LSAMP: variants seen among roughly 807,000 people sequenced by gnomAD.
LSAMP encodes limbic system associated membrane protein.
In LSAMP, 7 loss-of-function variants were observed where a neutral mutation model predicts 38.6. The observed-to-expected ratio is 0.18, with a 90% CI of 0.10 to 0.34. The LOEUF (loss-of-function observed/expected upper bound fraction) is 0.34, where lower values mean the gene tolerates loss of function less well. Among genes scored for constraint, LSAMP ranks in the 10% least tolerant of loss-of-function variants. LSAMP has a pLI of 1.00. For synonymous variants in LSAMP, 154 were observed against 166.8 expected, an observed-to-expected ratio of 0.92 and a Z score of 0.59; for missense variants, 313 against 420.0, an observed-to-expected ratio of 0.75 and a Z score of 2.23.
chr3:116,130,877 G>T (rs1374126754), intron 1 of LSAMP, among the ~76,000 whole-genome samples: 1 of 150,314 alleles, frequency 6.7e-6, no homozygotes, highest in Non-Finnish European at 1.5e-5. Context: ...CTCCCTTTTC[G>T]AATTCTTCCA....
chr3:116,158,663 A>G (rs1381779187), intron 1 of LSAMP, among the ~76,000 whole-genome samples: 1 of 152,164 alleles, frequency 6.6e-6, no homozygotes, highest in Non-Finnish European at 1.5e-5. Context: ...GACCTCTACA[A>G]CAACAATTAC....
At chr3:115,880,928 C>T (rs1936304975) in intron 3 of LSAMP, among the ~76,000 whole-genome samples, 2 of 151,902 alleles carry the variant, frequency 1.3e-5, no homozygotes, top group South Asian at 4.2e-4. Flanking sequence ...ATCCCAGCTA[C>T]TTGGGAGGCT....
intron 1 of LSAMP, among the ~76,000 whole-genome samples, chr3:116,439,192 C>T (rs1402830321): frequency 1.3e-5 from 2 of 152,152 alleles, no homozygotes; most frequent in Non-Finnish European, 2.9e-5. Flanking sequence ...TGGTACTGTG[C>T]TCCCGTGGCT....
chr3:116,108,013 G>A (rs1200997577), intron 1 of LSAMP, among the ~76,000 whole-genome samples: 7 of 152,246 alleles, frequency 4.6e-5, no homozygotes, highest in South Asian at 2.1e-4. Flanking sequence ...TGTAGCAGGC[G>A]AGTGATAACA....
At chr3:116,166,997 T>A (rs560527835) in intron 1 of LSAMP, among the ~76,000 whole-genome samples, 1 of 152,188 alleles carries the variant, frequency 6.6e-6, no homozygotes, top group South Asian at 2.1e-4. Context: ...TTCACCGTGT[T>A]AGCCAGGATG....
intron 1 of LSAMP, among the ~76,000 whole-genome samples, chr3:116,105,558 G>A (rs1161808857): frequency 6.6e-6 from 1 of 152,104 alleles, no homozygotes; most frequent in East Asian, 1.9e-4. Flanking sequence ...CAGGGGCGGG[G>A]GTCACAAGGT....
At chr3:116,013,869 A>G (rs1940401056) in intron 3 of LSAMP, among the ~76,000 whole-genome samples, 1 of 152,134 alleles carries the variant, frequency 6.6e-6, no homozygotes, top group Non-Finnish European at 1.5e-5. Context: ...GCCATTATAT[A>G]CATTGTTTTC....
intron 6 of LSAMP, among the ~76,000 whole-genome samples, chr3:115,839,953 G>A (rs1171609059): frequency 2.0e-5 from 3 of 152,112 alleles, no homozygotes; most frequent in African/African-American, 7.2e-5. Context: ...TCTGTTATAG[G>A]GCATTGGTAT....
chr3:116,031,565 T>G (rs1576320219), intron 2 of LSAMP, among the ~76,000 whole-genome samples: 3 of 54,872 alleles, frequency 5.5e-5, no homozygotes, highest in Non-Finnish European at 8.0e-5. Context: ...TTTTTTTTTT[T>G]TTTTTTTTTT....
intron 2 of LSAMP, among the ~76,000 whole-genome samples, chr3:116,081,103 A>G (rs1707861004): frequency 6.6e-6 from 1 of 152,190 alleles, no homozygotes; most frequent in South Asian, 2.1e-4. Flanking sequence ...AATGGTTAAC[A>G]GAATTGCAAA....
rs182065075 is a variant in LSAMP, at chr3:116,031,723, G to A, written c.389-12083C>T. Among the ~76,000 whole-genome samples the A allele has an allele frequency of 2.0e-5, 3 of 151,564 alleles. No homozygotes were observed. The East Asian group carries it at 5.8e-4, about 29-fold the overall frequency. ...AGTTGTTTTTTGCCACTGCTTAAGG[G>A]CCCAGAAGATAGAATATTTAGACCA... On this transcript the variant is annotated intron_variant, in intron 2 of 6. Coordinates refer to ENST00000490035, the MANE Select transcript of LSAMP (RefSeq NM_002338.5).
intron 2 of LSAMP, among the ~76,000 whole-genome samples, chr3:116,074,798 T>C (rs1291402391): frequency 2.6e-5 from 4 of 152,146 alleles, no homozygotes; most frequent in Admixed American, 6.5e-5. Context: ...CTTTTGTAAA[T>C]TGGCAATTTA....
At chr3:116,385,938 C>CTACTACTAT (rs1378091788) in intron 1 of LSAMP, among the ~76,000 whole-genome samples, 1 of 152,030 alleles carries the variant, frequency 6.6e-6, no homozygotes, top group Admixed American at 6.6e-5. Flanking sequence ...ACTACTACTA[C>CTACTACTAT]TACTACTATT....
chr3:116,358,166 G>T (rs376083281), intron 1 of LSAMP, among the ~76,000 whole-genome samples: 3 of 152,156 alleles, frequency 2.0e-5, no homozygotes, highest in African/African-American at 7.2e-5. Context: ...ATGTCACCAG[G>T]TAGAACATAG....
chr3:116,398,813 C>A (rs777891118), intron 1 of LSAMP, among the ~76,000 whole-genome samples: 1 of 152,140 alleles, frequency 6.6e-6, no homozygotes, highest in Non-Finnish European at 1.5e-5. Flanking sequence ...CTGTTCTCAA[C>A]GAGTTGGCAG....
chr3:115,972,714 A>G (rs2107613768), intron 3 of LSAMP, among the ~76,000 whole-genome samples: 1 of 151,478 alleles, frequency 6.6e-6, no homozygotes, highest in African/African-American at 2.4e-5. Context: ...GAAAGCTACA[A>G]GTTATGATAC....
chr3:116,249,643 C>T (rs1258115357), intron 1 of LSAMP, among the ~76,000 whole-genome samples: 1 of 151,948 alleles, frequency 6.6e-6, no homozygotes, highest in Non-Finnish European at 1.5e-5. Flanking sequence ...CTCAGCCTCC[C>T]AAAGTGCTGG....
At chr3:115,842,115 C>G (rs1935016564) in intron 5 of LSAMP, 122 bp from the exon 6 acceptor site, 1 of 994,662 alleles carries the variant, frequency 1.0e-6, no homozygotes, top group African/African-American at 1.6e-5. Flanking sequence ...GTTTGTTGTT[C>G]CATGCCCAAT....
At chr3:116,323,594 AACTTT>A (rs1256773574) in intron 1 of LSAMP, among the ~76,000 whole-genome samples, 1 of 152,100 alleles carries the variant, frequency 6.6e-6, no homozygotes, top group Non-Finnish European at 1.5e-5. Context: ...CCATCTTGGT[AACTTT>A]ACTTATTTCT....
Sources: gnomAD v4.1 joint callset for allele counts (sites outside exome capture counted in the v4.1 genomes callset) on GRCh38, gnomAD v4.1.1 for gene constraint, MANE v1.5 for transcripts, NCBI Gene and HGNC (gene_info 2026-07-23, HGNC 2026-07-21) for gene names.